Variants in PEAK1 observed in about 807,000 individuals in gnomAD.
PEAK1 encodes the protein pseudopodium enriched atypical kinase 1.
PEAK1 carries 54 observed loss-of-function variants against 124.7 expected under a neutral mutation model. The ratio of observed to expected loss-of-function variants is 0.43; its 90% CI spans 0.35 to 0.54. The LOEUF (loss-of-function observed/expected upper bound fraction) is 0.54, where lower values mean the gene tolerates loss of function less well. PEAK1 is among the 20% of genes least tolerant of loss of function. The pLI is 0.01. For missense variants in PEAK1, 2,046 were observed against 2,134.5 expected (o/e 0.96, Z 0.82); for synonymous variants, 719 against 760.0 (o/e 0.95, Z 0.89).
intron 2 of PEAK1, chr15:77,332,258 C>T (rs2065933624): frequency 1.0e-6 from 1 of 984,846 alleles, no homozygotes; most frequent in Non-Finnish European, 1.2e-6. Flanking sequence ...TTTTTTTCCC[C>T]CTGAAACTAA....
chr15:77,322,554 T>C (rs1489775919), intron 2 of PEAK1, among the ~76,000 whole-genome samples: 1 of 152,062 alleles, frequency 6.6e-6, no homozygotes, highest in East Asian at 1.9e-4. Flanking sequence ...TCCTCAACTC[T>C]TACACCCTCC....
intron 2 of PEAK1, among the ~76,000 whole-genome samples, chr15:77,298,111 T>G (rs199797194): frequency 1.5e-5 from 2 of 134,536 alleles, no homozygotes; most frequent in East Asian, 4.7e-4. Flanking sequence ...GTATTTCAGG[T>G]CAAGTCACAG....
At chr15:77,253,831 T>C (rs902114518) in intron 5 of PEAK1, among the ~76,000 whole-genome samples, 2 of 152,172 alleles carry the variant, frequency 1.3e-5, no homozygotes, top group Non-Finnish European at 2.9e-5. Context: ...GAACTTTATT[T>C]CTATTTTTTT....
chr15:77,189,464 T>C (rs569890799), intron 6 of PEAK1, among the ~76,000 whole-genome samples: 62 of 148,258 alleles, frequency 4.2e-4, no homozygotes, highest in African/African-American at 1.5e-3. Context: ...GCAGCAGCAC[T>C]GTCCACCATA....
intron 8 of PEAK1, among the ~76,000 whole-genome samples, chr15:77,154,161 G>T (rs979211357): frequency 3.3e-5 from 5 of 152,090 alleles, no homozygotes; most frequent in African/African-American, 1.2e-4. Context: ...TTATGAATCT[G>T]GGTGCTCCTG....
intron 5 of PEAK1, among the ~76,000 whole-genome samples, chr15:77,257,180 T>C (rs1428775389): frequency 6.6e-6 from 1 of 152,274 alleles, no homozygotes; most frequent in South Asian, 2.1e-4. Context: ...AGTGCCACAA[T>C]AAACATACGT....
At chr15:77,193,748 G>A (rs1329673751) in intron 6 of PEAK1, among the ~76,000 whole-genome samples, 1 of 152,174 alleles carries the variant, frequency 6.6e-6, no homozygotes, top group Admixed American at 6.5e-5. Context: ...AGGTTGCACT[G>A]AGCAGAGATT....
intron 1 of PEAK1, among the ~76,000 whole-genome samples, chr15:77,380,651 G>C (rs535167794): frequency 6.6e-6 from 1 of 152,002 alleles, no homozygotes; most frequent in African/African-American, 2.4e-5. Flanking sequence ...GTTAATTTTT[G>C]TACTTAGTGT....
intron 5 of PEAK1, among the ~76,000 whole-genome samples, chr15:77,272,049 A>C (rs2062063510): frequency 6.6e-6 from 1 of 152,230 alleles, no homozygotes; most frequent in Non-Finnish European, 1.5e-5. Flanking sequence ...GATGGAAATT[A>C]ACAGATTATT....
At position 77,314,457 on chromosome 15, in the gene PEAK1, C is replaced by G. The variant is rs1597252305; in HGVS notation, c.-602-27953G>C. On this transcript the variant is annotated intron_variant, in intron 2 of 9. Transcript: ENST00000682557. ...GATTTCAGCTCACTGCAACCTCTGCCTCCCCGGGTTCAAGCGATTCTCCTG... is the reference window on the plus strand; with the variant it reads ...GATTTCAGCTCACTGCAACCTCTGCGTCCCCGGGTTCAAGCGATTCTCCTG... 2.0e-5 allele frequency among the ~76,000 whole-genome samples: 3 copies of G among 152,144 alleles called. No homozygotes were observed. In the East Asian group the frequency reaches 5.8e-4, roughly 29 times the overall value.
intron 2 of PEAK1, among the ~76,000 whole-genome samples, chr15:77,317,403 C>A (rs538748189): frequency 6.6e-6 from 1 of 152,104 alleles, no homozygotes; most frequent in Non-Finnish European, 1.5e-5. Flanking sequence ...ATACCAGACA[C>A]AATCAGTTAA....
intron 1 of PEAK1, among the ~76,000 whole-genome samples, chr15:77,394,480 T>C (rs1249900740): frequency 1.3e-5 from 2 of 152,304 alleles, no homozygotes; most frequent in East Asian, 3.9e-4. Context: ...ACAAGAGTCT[T>C]GGCCTAGTAA....
intron 2 of PEAK1, among the ~76,000 whole-genome samples, chr15:77,323,720 A>G (rs2153021987): frequency 6.6e-6 from 1 of 152,316 alleles, no homozygotes; most frequent in East Asian, 1.9e-4. Flanking sequence ...AAGGTAATTT[A>G]TAGATTCAAT....
At chr15:77,368,747 G>C (rs1303645638) in intron 1 of PEAK1, among the ~76,000 whole-genome samples, 1 of 152,168 alleles carries the variant, frequency 6.6e-6, no homozygotes, top group East Asian at 1.9e-4. Context: ...GAAAATACTT[G>C]TTTCATGTTC....
chr15:77,319,253 TAA>T (rs201595105), intron 2 of PEAK1, among the ~76,000 whole-genome samples: 27 of 139,796 alleles, frequency 1.9e-4, no homozygotes, highest in South Asian at 2.3e-4. Flanking sequence ...AAATGTAGTT[TAA>T]AAAAAAAAAA....
intron 7 of PEAK1, among the ~76,000 whole-genome samples, chr15:77,162,373 A>T (rs984429110): frequency 4.0e-5 from 6 of 151,620 alleles, no homozygotes; most frequent in Non-Finnish European, 7.4e-5. Flanking sequence ...GGGTGCCTGT[A>T]GTCCCAGGTA....
rs763730489 is a variant in PEAK1 at position 77,179,564 on chromosome 15, G to C, written c.2363C>G (p.Pro788Arg). Residue 788 changes from proline to arginine, a missense_variant, in exon 7 of 10, where the codon CCT (proline) becomes CGT (arginine). Coordinates refer to ENST00000682557, the MANE Select transcript of PEAK1 (RefSeq NM_001385026.1). ...QSPPETPQSG[P>R]KACSVEELYA... ...AAGCTCTTCCACACTGCAAGCTTTA[G>C]GGCCAGATTGAGGTGTTTCTGGAGG... The C allele has an allele frequency of 5.0e-6, 8 of 1,614,018 alleles. No homozygotes were observed. Among genetic ancestry groups the C allele is most frequent in the Non-Finnish European group, 6.8e-6 (8 of 1,180,012 alleles).
intron 6 of PEAK1, among the ~76,000 whole-genome samples, chr15:77,225,250 A>G (rs1302183119): frequency 6.6e-6 from 1 of 151,980 alleles, no homozygotes; most frequent in Non-Finnish European, 1.5e-5. Flanking sequence ...ATCACACTAC[A>G]TTATTCCTGT....
chr15:77,347,505 A>T, intron 2 of PEAK1: 1 of 985,420 alleles, frequency 1.0e-6, no homozygotes, highest in Non-Finnish European at 1.2e-6. Context: ...TCTGAGGCTT[A>T]TAATAGGAAC....
Sources: allele counts gnomAD v4.1 joint callset (sites outside exome capture counted in the v4.1 genomes callset), GRCh38; gene constraint gnomAD v4.1.1; transcripts MANE v1.5; gene names NCBI Gene and HGNC (gene_info 2026-07-23, HGNC 2026-07-21).